SNTG1: variants seen among roughly 807,000 people sequenced by gnomAD.
The protein encoded by SNTG1 is gamma-1-syntrophin.
Under a neutral mutation model 74.7 loss-of-function variants are expected in SNTG1, and 39 were observed. That is an observed-to-expected ratio of 0.52 (90% CI 0.40 to 0.68). The LOEUF is 0.68. SNTG1 is among the 30% of genes least tolerant of loss of function. SNTG1 has a pLI of 0.00. For missense variants in SNTG1, 685 were observed against 609.5 expected (o/e 1.12, Z -1.30); for synonymous variants, 254 against 217.1 (o/e 1.17, Z -1.49).
At chr8:49,979,362 GT>G (rs909861904) in intron 1 of SNTG1, among the ~76,000 whole-genome samples, 1 of 152,222 alleles carries the variant, frequency 6.6e-6, no homozygotes, top group African/African-American at 2.4e-5. Flanking sequence ...GCAGGCGAGG[GT>G]CTGTCCAGCA....
chr8:50,701,938 C>A (rs2095427531), intron 15 of SNTG1, among the ~76,000 whole-genome samples: 1 of 151,714 alleles, frequency 6.6e-6, no homozygotes, highest in Admixed American at 6.6e-5. Flanking sequence ...GCAACCTCCT[C>A]ATCCTAGGTT....
chr8:50,276,443 A>T (rs1412981317), intron 2 of SNTG1, among the ~76,000 whole-genome samples: 1 of 150,830 alleles, frequency 6.6e-6, no homozygotes, highest in African/African-American at 2.4e-5. Flanking sequence ...AAAAAAATAC[A>T]GGTTCTTGTA....
At chr8:50,309,863 G>T (rs776536274) in intron 2 of SNTG1, among the ~76,000 whole-genome samples, 8 of 152,062 alleles carry the variant, frequency 5.3e-5, no homozygotes, top group Non-Finnish European at 1.2e-4. Flanking sequence ...AAATTAATTC[G>T]CTGTCCGCAA....
At chr8:50,444,377 T>G (rs992214180) in intron 5 of SNTG1, among the ~76,000 whole-genome samples, 1 of 152,196 alleles carries the variant, frequency 6.6e-6, no homozygotes, top group Non-Finnish European at 1.5e-5. Flanking sequence ...TTCTGCATTC[T>G]GCTTCCCCTG....
chr8:50,103,606 G>C (rs552970945), intron 1 of SNTG1, among the ~76,000 whole-genome samples: 65 of 152,242 alleles, frequency 4.3e-4, no homozygotes, highest in African/African-American at 1.4e-3. Context: ...TGTTGAATAG[G>C]AGTGGTGAGA....
intron 1 of SNTG1, among the ~76,000 whole-genome samples, chr8:50,168,203 C>A (rs970244803): frequency 6.6e-6 from 1 of 151,864 alleles, no homozygotes; most frequent in African/African-American, 2.4e-5. Context: ...TAGGAAGGAC[C>A]ATATTTGTGA....
chr8:50,671,836 C>A (rs959542086), intron 15 of SNTG1, among the ~76,000 whole-genome samples: 4 of 151,772 alleles, frequency 2.6e-5, no homozygotes, highest in Non-Finnish European at 5.9e-5. Context: ...AAATGTGGCA[C>A]ATATACACCA....
chr8:50,008,964 G>A (rs925640584), intron 1 of SNTG1, among the ~76,000 whole-genome samples: 6 of 152,048 alleles, frequency 3.9e-5, no homozygotes, highest in African/African-American at 1.4e-4. Flanking sequence ...AGTAATTTTA[G>A]TTTTCATTCT....
intron 1 of SNTG1, among the ~76,000 whole-genome samples, chr8:50,009,082 C>T (rs1815523906): frequency 1.3e-5 from 2 of 152,028 alleles, no homozygotes; most frequent in African/African-American, 2.4e-5. Context: ...GATTCCCATG[C>T]TTATTTGTAA....
At chr8:50,061,699 G>A (rs976729241) in intron 1 of SNTG1, among the ~76,000 whole-genome samples, 11 of 151,954 alleles carry the variant, frequency 7.2e-5, no homozygotes, top group African/African-American at 2.7e-4. Flanking sequence ...CATATTAATT[G>A]AGTTTTATAT....
intron 2 of SNTG1, among the ~76,000 whole-genome samples, chr8:50,392,142 T>C (rs1033252155): frequency 6.6e-6 from 1 of 152,104 alleles, no homozygotes; most frequent in African/African-American, 2.4e-5. Context: ...CAATGGTTCA[T>C]TAACTGTAAT....
intron 13 of SNTG1, among the ~76,000 whole-genome samples, chr8:50,642,305 C>A (rs1585930946): frequency 6.6e-6 from 1 of 152,296 alleles, no homozygotes; most frequent in South Asian, 2.1e-4. Context: ...CAACAGCATT[C>A]TAAACAGGCC....
At chr8:50,541,274 T>TGTGTGC (rs2094344921) in intron 11 of SNTG1, among the ~76,000 whole-genome samples, 1 of 151,820 alleles carries the variant, frequency 6.6e-6, no homozygotes, top group African/African-American at 2.4e-5. Flanking sequence ...TGTGTGTGTG[T>TGTGTGC]GTGCATGTTT....
intron 2 of SNTG1, among the ~76,000 whole-genome samples, chr8:50,340,694 C>T (rs1056826410): frequency 4.0e-5 from 6 of 151,832 alleles, no homozygotes; most frequent in Non-Finnish European, 8.8e-5. Context: ...AATACCAAAG[C>T]ATGATCTATG....
chr8:50,595,307 CA>C (rs1450600844), intron 13 of SNTG1, among the ~76,000 whole-genome samples: 1 of 151,594 alleles, frequency 6.6e-6, no homozygotes, highest in Non-Finnish European at 1.5e-5. Context: ...GAATCCACCT[CA>C]AAAAAAGTAA....
chr8:50,479,845 GA>G (rs2093725906), intron 8 of SNTG1, among the ~76,000 whole-genome samples: 1 of 151,988 alleles, frequency 6.6e-6, no homozygotes. Flanking sequence ...GTTTTCTATT[GA>G]CTAGATCCTG....
At chr8:50,078,861 C>A (rs1822142697) in intron 1 of SNTG1, among the ~76,000 whole-genome samples, 1 of 152,154 alleles carries the variant, frequency 6.6e-6, no homozygotes, top group African/African-American at 2.4e-5. Context: ...TGGTTTCCAG[C>A]TTCTTCCATG....
At chr8:50,546,730 G>T (rs1204652773) in intron 11 of SNTG1, among the ~76,000 whole-genome samples, 1 of 151,998 alleles carries the variant, frequency 6.6e-6, no homozygotes, top group Non-Finnish European at 1.5e-5. Flanking sequence ...TTTTATGGCT[G>T]CATAGTATTC....
At chr8:50,615,710 C>T (rs950742803) in intron 13 of SNTG1, among the ~76,000 whole-genome samples, 3 of 152,254 alleles carry the variant, frequency 2.0e-5, no homozygotes, top group Non-Finnish European at 2.9e-5. Flanking sequence ...AAGAATTTTA[C>T]CTAGATATAT....
Sources: gnomAD v4.1 joint callset for allele counts (sites outside exome capture counted in the v4.1 genomes callset) on GRCh38, gnomAD v4.1.1 for gene constraint, MANE v1.5 for transcripts, NCBI Gene and HGNC (gene_info 2026-07-23, HGNC 2026-07-21) for gene names.